TSHZ1: variants seen among roughly 807,000 people sequenced by gnomAD.
TSHZ1 encodes the protein teashirt homolog 1.
A neutral mutation model predicts 67.1 loss-of-function variants in TSHZ1; 12 were observed. The observed-to-expected ratio is 0.18, with a 90% CI of 0.11 to 0.29. The LOEUF (loss-of-function observed/expected upper bound fraction) is 0.29. TSHZ1 is among the 10% of genes least tolerant of loss of function. The probability of loss-of-function intolerance (pLI) is 1.00; values close to 1 mark genes in which losing one functional copy is unlikely to be tolerated. For synonymous variants in TSHZ1, 632 were observed against 622.4 expected (o/e 1.02, Z -0.23); for missense variants, 1,305 against 1,413.9 (o/e 0.92, Z 1.23).
At chr18:75,236,415 T>C (rs9962521) in intron 1 of TSHZ1, among the ~76,000 whole-genome samples, 5,748 of 152,270 alleles carry the variant, frequency 0.038, 142 homozygotes, top group African/African-American at 0.07. Flanking sequence ...AGGTGCACCT[T>C]TTCTATCCAT....
chr18:75,269,696 G>A (rs536145965), intron 1 of TSHZ1, among the ~76,000 whole-genome samples: 4 of 152,230 alleles, frequency 2.6e-5, no homozygotes, highest in African/African-American at 9.6e-5. Context: ...CAGTTCAGTG[G>A]CATTAAATAC....
intron 1 of TSHZ1, among the ~76,000 whole-genome samples, chr18:75,246,861 GA>G (rs74616234): frequency 0.14 from 21,267 of 152,176 alleles, 1,721 homozygotes; most frequent in East Asian, 0.31. Flanking sequence ...CAAGTAGACA[GA>G]GACAATAACT....
intron 1 of TSHZ1, among the ~76,000 whole-genome samples, chr18:75,232,740 A>G (rs896552049): frequency 2.6e-5 from 4 of 152,202 alleles, no homozygotes; most frequent in African/African-American, 7.2e-5. Context: ...TTGGGGCCAG[A>G]TATGTTTTGG....
chr18:75,255,093 A>G (rs906972510), intron 1 of TSHZ1, among the ~76,000 whole-genome samples: 3 of 152,166 alleles, frequency 2.0e-5, no homozygotes, highest in African/African-American at 7.2e-5. Flanking sequence ...GTTTTAATGT[A>G]TGTATCCTTT....
chr18:75,224,018 C>T (rs1204198004), intron 1 of TSHZ1, among the ~76,000 whole-genome samples: 1 of 145,736 alleles, frequency 6.9e-6, no homozygotes, highest in Admixed American at 6.9e-5. Context: ...AGTTCATGTA[C>T]CCACAGATGG....
At chr18:75,256,406 T>C (rs1358996408) in intron 1 of TSHZ1, among the ~76,000 whole-genome samples, 5 of 152,202 alleles carry the variant, frequency 3.3e-5, no homozygotes, top group Non-Finnish European at 7.3e-5. Context: ...ACATGACCCA[T>C]GGTAGAGGGG....
rs1344549331 is a variant in TSHZ1 at position 75,285,807 on chromosome 18, C to G, written c.400C>G (p.Leu134Val). ...CGAGTCCTGCTGGTCCAGCTTAGCT[C>G]TGGATTTAAAGAAGTCGGGTTCCAC... The part of the protein sequence containing the change: ...FSESCWSSLA[L>V]DLKKSGSTTS... The change falls in exon 2 of 2, where the codon CTG becomes GTG. Residue 134 changes from leucine to valine, a missense_variant. Physicochemically the swap from Leu to Val is conservative, Grantham distance 32. Coordinates refer to ENST00000580243, the MANE Select transcript of TSHZ1 (RefSeq NM_001308210.2). The G allele has an allele frequency of 6.2e-7, 1 of 1,614,108 alleles. No individual in the cohort carries two copies. The highest frequency in any genetic ancestry group is 1.1e-5 in the South Asian group (1 of 91,074).
At chr18:75,253,925 A>G (rs2023333894) in intron 1 of TSHZ1, among the ~76,000 whole-genome samples, 1 of 152,230 alleles carries the variant, frequency 6.6e-6, no homozygotes, top group South Asian at 2.1e-4. Flanking sequence ...AGAATCTTTA[A>G]AAACATATAA....
At chr18:75,219,016 A>T (rs1039929673) in intron 1 of TSHZ1, among the ~76,000 whole-genome samples, 2 of 152,272 alleles carry the variant, frequency 1.3e-5, no homozygotes, top group African/African-American at 2.4e-5. Context: ...GAATGAAAAT[A>T]ACTGAAGACA....
chr18:75,249,965 C>T (rs2023277063), intron 1 of TSHZ1, among the ~76,000 whole-genome samples: 1 of 148,578 alleles, frequency 6.7e-6, no homozygotes, highest in Non-Finnish European at 1.5e-5. Flanking sequence ...CGTCTCACCC[C>T]TCCAGTTGGT....
intron 1 of TSHZ1, among the ~76,000 whole-genome samples, chr18:75,248,060 T>C (rs2023246548): frequency 6.6e-6 from 1 of 152,102 alleles, no homozygotes; most frequent in Non-Finnish European, 1.5e-5. Context: ...TTTGAGGAGG[T>C]TGGAACAATA....
intron 1 of TSHZ1, 76 bp downstream of exon 1, chr18:75,211,992 T>A (rs2022699890): frequency 9.0e-7 from 1 of 1,114,066 alleles, no homozygotes; most frequent in Non-Finnish European, 1.1e-6. Context: ...CGGGCCGAGG[T>A]GCGGGACGTG....
intron 1 of TSHZ1, among the ~76,000 whole-genome samples, chr18:75,243,406 G>A (rs1157302882): frequency 3.3e-5 from 5 of 152,120 alleles, no homozygotes; most frequent in South Asian, 4.1e-4. Flanking sequence ...GGAAAAAGAC[G>A]CGTGTGTATA....
chr18:75,263,217 A>G (rs1157532514), intron 1 of TSHZ1, among the ~76,000 whole-genome samples: 1 of 152,212 alleles, frequency 6.6e-6, no homozygotes, highest in Non-Finnish European at 1.5e-5. Flanking sequence ...AATGTAATCT[A>G]GCAAGCTAAG....
chr18:75,267,768 G>A (rs1355040994), intron 1 of TSHZ1, among the ~76,000 whole-genome samples: 3 of 152,186 alleles, frequency 2.0e-5, no homozygotes, highest in Non-Finnish European at 4.4e-5. Flanking sequence ...TGCACAAGTG[G>A]AGATGCATAA....
intron 1 of TSHZ1, among the ~76,000 whole-genome samples, chr18:75,217,824 A>C (rs2022791503): frequency 6.6e-6 from 1 of 152,242 alleles, no homozygotes; most frequent in African/African-American, 2.4e-5. Flanking sequence ...TGATGACAGA[A>C]TAATGACATT....
chr18:75,214,604 A>G (rs1055414256), intron 1 of TSHZ1, among the ~76,000 whole-genome samples: 2 of 152,116 alleles, frequency 1.3e-5, no homozygotes, highest in East Asian at 3.9e-4. Flanking sequence ...CTTAGTGTCA[A>G]ATAATTGATT....
intron 1 of TSHZ1, among the ~76,000 whole-genome samples, chr18:75,279,046 T>C (rs1284932317): frequency 6.6e-6 from 1 of 152,142 alleles, no homozygotes; most frequent in Non-Finnish European, 1.5e-5. Flanking sequence ...GAGGCCACTC[T>C]GACCAGCACT....
chr18:75,277,110 G>A lies in TSHZ1; in HGVS notation c.41-8338G>A, dbSNP rs117450073. Among the ~76,000 whole-genome samples, 676 of 152,310 alleles carry A rather than the reference G, an allele frequency of 4.4e-3. 2 individuals are homozygous for A. Among genetic ancestry groups the A allele is most frequent in the Non-Finnish European group, 7.8e-3 (529 of 68,036 alleles). ...AGCAAAGCCTCTGAAAGGCAGGCAC[G>A]GGGAAAAGAAGAACAAGAAGGGCCC... On this transcript the variant is annotated intron_variant, in intron 1 of 1. Transcript: ENST00000580243.
Sources: allele counts gnomAD v4.1 joint callset (sites outside exome capture counted in the v4.1 genomes callset), GRCh38; gene constraint gnomAD v4.1.1; transcripts MANE v1.5; gene names NCBI Gene and HGNC (gene_info 2026-07-23, HGNC 2026-07-21).